The following RAD51B variants were observed in gnomAD, a reference collection of about 807,000 sequenced individuals.
RAD51B encodes the protein RAD51 paralog B.
A neutral mutation model predicts 42.2 loss-of-function variants in RAD51B; 38 were observed. The observed-to-expected ratio is 0.90, with a 90% CI of 0.70 to 1.18. RAD51B has a LOEUF of 1.18. RAD51B is among the 50% of genes most tolerant of loss of function. The pLI, the probability that RAD51B is intolerant of heterozygous loss-of-function variation, is 0.00. For synonymous variants in RAD51B, 154 were observed against 145.2 expected, an observed-to-expected ratio of 1.06 and a Z score of -0.43; for missense variants, 373 against 400.7, an observed-to-expected ratio of 0.93 and a Z score of 0.59.
chr14:68,282,243 A>C (rs2081333186), intron 7 of RAD51B, among the ~76,000 whole-genome samples: 1 of 152,140 alleles, frequency 6.6e-6, no homozygotes, highest in Non-Finnish European at 1.5e-5. Context: ...TCGGCCTCCC[A>C]AAATGCTGGG....
At chr14:67,855,330 A>G (rs2041954214) in intron 4 of RAD51B, among the ~76,000 whole-genome samples, 1 of 151,332 alleles carries the variant, frequency 6.6e-6, no homozygotes, top group Admixed American at 6.6e-5. Flanking sequence ...TCCCGGGTTC[A>G]TGCCATTCTC....
intron 11 of RAD51B, among the ~76,000 whole-genome samples, chr14:68,673,742 A>G (rs111217108): frequency 0.12 from 17,805 of 151,858 alleles, 1,148 homozygotes; most frequent in Middle Eastern, 0.19. Context: ...GCATACACAT[A>G]CTGTACACAC....
chr14:68,592,491 G>C (rs1595007653), intron 10 of RAD51B, among the ~76,000 whole-genome samples: 1 of 152,152 alleles, frequency 6.6e-6, no homozygotes. Context: ...TGAGGTACAA[G>C]TATCACTATG....
intron 7 of RAD51B, among the ~76,000 whole-genome samples, chr14:68,286,282 T>A (rs76257021): frequency 0.011 from 1,686 of 152,290 alleles, 44 homozygotes; most frequent in African/African-American, 0.038. Context: ...AAAATGGGGA[T>A]TACAAAATTT....
intron 7 of RAD51B, among the ~76,000 whole-genome samples, chr14:68,212,776 T>C (rs2079737723): frequency 6.6e-6 from 1 of 152,106 alleles, no homozygotes; most frequent in South Asian, 2.1e-4. Flanking sequence ...GTGAGAAAAA[T>C]GTGATTATTA....
At chr14:67,963,136 T>G (rs544878534) in intron 7 of RAD51B, among the ~76,000 whole-genome samples, 1 of 152,248 alleles carries the variant, frequency 6.6e-6, no homozygotes, top group African/African-American at 2.4e-5. Flanking sequence ...ATATTTTTTA[T>G]TTTTAACTGT....
chr14:68,091,640 C>T (rs1405561392), intron 7 of RAD51B, among the ~76,000 whole-genome samples: 1 of 152,164 alleles, frequency 6.6e-6, no homozygotes, highest in Non-Finnish European at 1.5e-5. Flanking sequence ...GTCTCCCATT[C>T]TGTGGGTTGC....
rs1466182020 is a variant in RAD51B at position 68,471,733 on chromosome 14, C to A, written c.1036+3483C>A. Reference sequence around the variant, plus strand: ...GGAAGAAAAAAAGTAAATGAAAGAACCCCCCTCCTCCCAGCATCTTCAGGA... The same window carrying A: ...GGAAGAAAAAAAGTAAATGAAAGAAACCCCCTCCTCCCAGCATCTTCAGGA... On this transcript the variant is annotated intron_variant, in intron 10 of 10. Coordinates refer to ENST00000471583, the MANE Select transcript of RAD51B (RefSeq NM_133510.4). Among the ~76,000 whole-genome samples the A allele has an allele frequency of 5.5e-5, 8 of 146,484 alleles. No homozygotes were observed. In the South Asian group the frequency reaches 1.3e-3, roughly 23 times the overall value.
At chr14:68,433,969 C>A (rs1428352653) in intron 9 of RAD51B, among the ~76,000 whole-genome samples, 1 of 152,156 alleles carries the variant, frequency 6.6e-6, no homozygotes, top group African/African-American at 2.4e-5. Flanking sequence ...TCTAACAGGA[C>A]CCTCAGCTGT....
At chr14:68,154,541 T>G (rs541890681) in intron 7 of RAD51B, among the ~76,000 whole-genome samples, 66 of 152,242 alleles carry the variant, frequency 4.3e-4, no homozygotes, top group Non-Finnish European at 5.6e-4. Flanking sequence ...CTAAGATCTC[T>G]TCTGTGAACT....
intron 7 of RAD51B, among the ~76,000 whole-genome samples, chr14:68,149,059 ATTGT>A (rs952675638): frequency 6.6e-6 from 1 of 152,090 alleles, no homozygotes; most frequent in Non-Finnish European, 1.5e-5. Flanking sequence ...TTAAAATCAG[ATTGT>A]TTGTTTTCTT....
chr14:68,055,943 C>T (rs992942128), intron 7 of RAD51B, among the ~76,000 whole-genome samples: 2 of 152,182 alleles, frequency 1.3e-5, no homozygotes, highest in Non-Finnish European at 2.9e-5. Context: ...TGGGAGTCAT[C>T]TTGGAGGCTG....
chr14:68,269,115 C>T (rs2081051410), intron 7 of RAD51B, among the ~76,000 whole-genome samples: 1 of 152,202 alleles, frequency 6.6e-6, no homozygotes, highest in Non-Finnish European at 1.5e-5. Flanking sequence ...TTCTTTTTTC[C>T]CCCCAGCCAA....
intron 10 of RAD51B, among the ~76,000 whole-genome samples, chr14:68,493,179 C>A (rs1884216999): frequency 6.6e-6 from 1 of 152,172 alleles, no homozygotes; most frequent in Admixed American, 6.5e-5. Flanking sequence ...CTTCCCATCC[C>A]CCCGGCCGAA....
intron 7 of RAD51B, among the ~76,000 whole-genome samples, chr14:68,088,333 T>G (rs2077032905): frequency 6.6e-6 from 1 of 151,982 alleles, no homozygotes; most frequent in Admixed American, 6.6e-5. Flanking sequence ...TCAAATTTAC[T>G]TACTTACTTT....
Position 68,554,129 on chromosome 14 carries a change from G to A in RAD51B, c.1037-40356G>A, listed in dbSNP as rs79877406. ...AGAAAGGGTGATGATATGTGTAAGT[G>A]TAAATAGGTAGTTGACTGTAGAGTC... On this transcript the variant is annotated intron_variant, in intron 10 of 10. Transcript: ENST00000487270. 1.6e-3 allele frequency among the ~76,000 whole-genome samples: 240 copies of A among 152,316 alleles called. 2 individuals are homozygous for A. The highest frequency in any genetic ancestry group is 5.4e-3 in the African/African-American group (225 of 41,568).
intron 7 of RAD51B, among the ~76,000 whole-genome samples, chr14:68,095,116 A>C (rs1275626798): frequency 6.6e-6 from 1 of 152,220 alleles, no homozygotes; most frequent in African/African-American, 2.4e-5. Context: ...TAAGTAATTT[A>C]TCATAAGAGT....
chr14:68,420,433 G>A (rs1358304513), intron 9 of RAD51B, among the ~76,000 whole-genome samples: 1 of 151,920 alleles, frequency 6.6e-6, no homozygotes, highest in Non-Finnish European at 1.5e-5. Context: ...CTATTTTTAT[G>A]GGTTTTTTTT....
chr14:68,353,418 A>G (rs61986905), intron 8 of RAD51B, among the ~76,000 whole-genome samples: 70,132 of 152,116 alleles, frequency 0.46, 17,993 homozygotes, highest in Admixed American at 0.62. Context: ...CTGGGCCTCT[A>G]TGTGTGTAGG....
Sources: gnomAD v4.1 joint callset for allele counts (sites outside exome capture counted in the v4.1 genomes callset) on GRCh38, gnomAD v4.1.1 for gene constraint, MANE v1.5 for transcripts, NCBI Gene and HGNC (gene_info 2026-07-23, HGNC 2026-07-21) for gene names.